OPRK1: variants seen among roughly 807,000 people sequenced by gnomAD.
OPRK1 encodes the protein opioid receptor kappa 1, also known as kappa-type opioid receptor.
In OPRK1, 15 loss-of-function variants were observed where a neutral mutation model predicts 24.5. That is an observed-to-expected ratio of 0.61 (90% CI 0.41 to 0.94). OPRK1 has a LOEUF of 0.94. Ranked by LOEUF, OPRK1 falls within the 40% of genes least tolerant of loss-of-function variation. The pLI is 0.00. For missense variants in OPRK1, 479 were observed against 507.3 expected (o/e 0.94, Z 0.54); for synonymous variants, 205 against 198.0 (o/e 1.04, Z -0.30).
intron 2 of OPRK1, among the ~76,000 whole-genome samples, chr8:53,237,728 AT>A (rs2128809025): frequency 6.6e-6 from 1 of 152,294 alleles, no homozygotes; most frequent in Non-Finnish European, 1.5e-5. Context: ...GCACTTTGTA[AT>A]TTGCAAAGTC....
Position 53,251,029 on chromosome 8 carries a change from G to T in OPRK1, c.9C>A (p.Ser3=). The part of the protein sequence containing the change: MD[S]PIQIFRGEPG... ...GCTCCCCGCGGAAGATCTGGATCGG[G>T]GAGTCCATGGTGGGGCGATTGCAGC... The change falls in exon 2 of 4, where the codon TCC becomes TCA. Residue 3 remains serine, a synonymous_variant. Coordinates refer to ENST00000265572, the MANE Select transcript of OPRK1 (RefSeq NM_000912.5). 1 of 1,555,926 alleles carries T rather than the reference G, an allele frequency of 6.4e-7. No homozygotes were observed.
rs1488591701 is a variant in OPRK1 at position 53,228,828 on chromosome 8, A to G, written c.*469T>C. 1 of 159,904 alleles carries G rather than the reference A, an allele frequency of 6.3e-6. No individual in the cohort carries two copies. The highest frequency in any genetic ancestry group is 1.4e-5 in the Non-Finnish European group (1 of 72,642). The allele number at this position is 159,904 out of a possible 1,614,324, so 9.9% of individuals were successfully genotyped here. A position where few individuals can be genotyped will look rare whatever the true frequency, so the allele number is the denominator to read the frequency against. On this transcript the variant is annotated 3_prime_UTR_variant, in exon 4 of 4. Transcript: ENST00000265572. ...CCACACAGCATACAGTGAGCTGGGC[A>G]TGAACCCTGGAAATAGTTCCCATTC... is the stretch of plus-strand genomic sequence containing the variant.
chr8:53,236,819 C>T (rs1326173534), intron 2 of OPRK1, among the ~76,000 whole-genome samples: 1 of 152,194 alleles, frequency 6.6e-6, no homozygotes, highest in Non-Finnish European at 1.5e-5. Flanking sequence ...CCCAAAACCC[C>T]AGATACTAGC....
intron 2 of OPRK1, among the ~76,000 whole-genome samples, chr8:53,237,948 A>G (rs1175135708): frequency 6.6e-6 from 1 of 152,182 alleles, no homozygotes. Context: ...GGTTTCTGGA[A>G]GACACATGCT....
At chr8:53,249,579 T>C (rs1322743159) in intron 2 of OPRK1, among the ~76,000 whole-genome samples, 1 of 152,210 alleles carries the variant, frequency 6.6e-6, no homozygotes, top group Non-Finnish European at 1.5e-5. Context: ...ACTTAAATGA[T>C]GGTTTTTAAT....
chr8:53,245,990 T>C (rs1406910996), intron 2 of OPRK1, among the ~76,000 whole-genome samples: 4 of 152,166 alleles, frequency 2.6e-5, no homozygotes, highest in Non-Finnish European at 4.4e-5. Flanking sequence ...ATGCCATTTT[T>C]TTGTGAGAAA....
Position 53,250,825 on chromosome 8 carries a change from GA to G in OPRK1, c.212del (p.Val71AlafsTer13). 1 of 1,611,442 alleles carries G rather than the reference GA, an allele frequency of 6.2e-7. No individual in the cohort carries two copies. Among genetic ancestry groups the G allele is most frequent in the Admixed American group, 1.7e-5 (1 of 59,900 alleles). ...IITAVYSVVF[V>X]VGLVGNSLVM... The stretch of plus-strand genomic sequence containing the variant: ...CCAGCGAGTTGCCCACCAAGCCCAC[GA>G]CGAACACTACGGAGTAGACCGCCGT... On this transcript the variant is annotated frameshift_variant, in exon 2 of 4. Transcript: ENST00000265572. LOFTEE classifies it high-confidence loss of function.
chr8:53,232,565 C>T (rs1365861863), intron 3 of OPRK1, among the ~76,000 whole-genome samples: 5 of 152,064 alleles, frequency 3.3e-5, no homozygotes. Flanking sequence ...AAAGAAATTC[C>T]TGTCCAAGCA....
intron 2 of OPRK1, among the ~76,000 whole-genome samples, chr8:53,240,211 G>A (rs967570276): frequency 4.2e-4 from 64 of 152,170 alleles, no homozygotes; most frequent in African/African-American, 1.5e-3. Flanking sequence ...TTAAAAGGGA[G>A]TAGGTGACTT....
intron 2 of OPRK1, among the ~76,000 whole-genome samples, chr8:53,237,263 G>A (rs1205870176): frequency 6.6e-6 from 1 of 152,176 alleles, no homozygotes; most frequent in Non-Finnish European, 1.5e-5. Context: ...AGGAGCCCCA[G>A]GACCTGACAC....
In OPRK1 at chr8:53,250,710, T is replaced by C. The variant is rs573084907; in HGVS notation, c.257+71A>G. On this transcript the variant is annotated intron_variant, in intron 2 of 3. Transcript: ENST00000265572. ...CCTGGCTGGCTGCCCCCACTGCTGC[T>C]CCAGTGGCGGGGCCTGACCCTCACT... is the stretch of plus-strand genomic sequence containing the variant. 100 of 1,477,272 alleles carry C rather than the reference T, an allele frequency of 6.8e-5. No homozygotes were observed. In the South Asian group the frequency reaches 6.8e-4, roughly 10 times the overall value. The allele number at this position is 1,477,272 out of a possible 1,614,324, so 91.5% of individuals were successfully genotyped here. A position where few individuals can be genotyped will look rare whatever the true frequency, so the allele number is the denominator to read the frequency against.
At chr8:53,233,679 T>A (rs1339006699) in intron 3 of OPRK1, among the ~76,000 whole-genome samples, 1 of 152,206 alleles carries the variant, frequency 6.6e-6, no homozygotes, top group African/African-American at 2.4e-5. Context: ...TATAGCTTTA[T>A]ATTTTGCTAG....
At position 53,235,201 on chromosome 8, in the gene OPRK1, T is replaced by C. The variant is rs1382667669; in HGVS notation, c.258-90A>G. The C allele has an allele frequency of 7.2e-6, 8 of 1,118,048 alleles. No individual in the cohort carries two copies. The African/African-American group carries it at 1.1e-4, about 15-fold the overall frequency. The allele number at this position is 1,118,048 out of a possible 1,614,324, so 69.3% of individuals were successfully genotyped here. On this transcript the variant is annotated intron_variant, in intron 2 of 3. Coordinates refer to ENST00000265572, the MANE Select transcript of OPRK1 (RefSeq NM_000912.5). ...TTGTGATAGCCTTTGGATTACTGAT[T>C]TTGCTTCTTCATTCAATTATTCTTA... is the stretch of plus-strand genomic sequence containing the variant.
At chr8:53,240,651 T>C (rs1428356303) in intron 2 of OPRK1, among the ~76,000 whole-genome samples, 1 of 152,040 alleles carries the variant, frequency 6.6e-6, no homozygotes, top group Non-Finnish European at 1.5e-5. Flanking sequence ...ATGCATGGCA[T>C]TCTAGATTTT....
At chr8:53,236,394 A>G (rs1183448796) in intron 2 of OPRK1, among the ~76,000 whole-genome samples, 1 of 151,798 alleles carries the variant, frequency 6.6e-6, no homozygotes, top group African/African-American at 2.4e-5. Context: ...TCCCATCTCT[A>G]CTCATTAGGA....
At chr8:53,232,725 C>A (rs79274229) in intron 3 of OPRK1, among the ~76,000 whole-genome samples, 7,974 of 152,222 alleles carry the variant, frequency 0.052, 684 homozygotes, top group African/African-American at 0.18. Context: ...CCTGTTCCAG[C>A]ATCTCATGGT....
rs1225160128 is a variant in OPRK1, at chr8:53,230,625, T to C, written c.611-796A>G. 2.0e-5 allele frequency among the ~76,000 whole-genome samples: 3 copies of C among 152,238 alleles called. No homozygotes were observed. The East Asian group carries it at 5.8e-4, about 29-fold the overall frequency. ...TGCTCTGCTTCTCTTTGCTGGGTAG[T>C]ATTCTCTTTGGAGTAGCCTTAATAT... On this transcript the variant is annotated intron_variant, in intron 3 of 3. Coordinates refer to ENST00000265572, the MANE Select transcript of OPRK1 (RefSeq NM_000912.5).
chr8:53,236,439 G>A (rs888655212), intron 2 of OPRK1, among the ~76,000 whole-genome samples: 25 of 152,320 alleles, frequency 1.6e-4, no homozygotes, highest in African/African-American at 6.0e-4. Flanking sequence ...GGAAGGCATT[G>A]TGAAGACGGG....
chr8:53,249,899 A>G (rs1807328458), intron 2 of OPRK1, among the ~76,000 whole-genome samples: 1 of 152,232 alleles, frequency 6.6e-6, no homozygotes, highest in South Asian at 2.1e-4. Flanking sequence ...ACAAAGCTCT[A>G]GTGCTCCCAG....
Sources: gnomAD v4.1 joint callset for allele counts (sites outside exome capture counted in the v4.1 genomes callset) on GRCh38, gnomAD v4.1.1 for gene constraint, MANE v1.5 for transcripts, NCBI Gene and HGNC (gene_info 2026-07-23, HGNC 2026-07-21) for gene names.